Variants in SORCS1 observed in about 807,000 individuals in gnomAD.
SORCS1 encodes the protein sortilin related VPS10 domain containing receptor 1, also known as VPS10 domain-containing receptor SorCS1.
SORCS1 carries 60 observed loss-of-function variants against 146.1 expected under a neutral mutation model. That is an observed-to-expected ratio of 0.41 (90% confidence interval 0.33 to 0.51). The LOEUF (loss-of-function observed/expected upper bound fraction) is 0.51, where lower values mean the gene tolerates loss of function less well. Ranked by LOEUF, SORCS1 falls within the 20% of genes least tolerant of loss-of-function variation. The probability of loss-of-function intolerance (pLI) is 0.21; values close to 1 mark genes in which losing one functional copy is unlikely to be tolerated. For missense variants in SORCS1, 1,352 were observed against 1,487.6 expected, an observed-to-expected ratio of 0.91 and a Z score of 1.50; for synonymous variants, 637 against 584.0, an observed-to-expected ratio of 1.09 and a Z score of -1.31.
intron 3 of SORCS1, among the ~76,000 whole-genome samples, chr10:106,822,826 G>A (rs1320959201): frequency 3.6e-5 from 5 of 138,920 alleles, no homozygotes; most frequent in Non-Finnish European, 7.5e-5. Flanking sequence ...TTGTGCCCAG[G>A]CTGGAGTGCA....
chr10:107,165,292 AGTGTGTGTGTGT>A (rs3982278), upstream of SORCS1, among the ~76,000 whole-genome samples: 9 of 142,716 alleles, frequency 6.3e-5, no homozygotes, highest in African/African-American at 8.0e-5. The surrounding 1 kb of genome is among the most constrained non-coding windows in gnomAD (Gnocchi z 4.0). Flanking sequence ...CTCGTGTGTG[AGTGTGTGTGTGT>A]GTGTGTGTGT....
chr10:106,963,119 T>TTTTTTTTTC, intron 1 of SORCS1, among the ~76,000 whole-genome samples: 1 of 108,178 alleles, frequency 9.2e-6, no homozygotes, highest in Non-Finnish European at 1.8e-5. Flanking sequence ...AATTTTTTTT[T>TTTTTTTTTC]TTTTTTTTTT....
intron 5 of SORCS1, among the ~76,000 whole-genome samples, chr10:106,737,066 T>C (rs9420015): frequency 4.0e-5 from 2 of 50,592 alleles, no homozygotes; most frequent in East Asian, 3.7e-4. Flanking sequence ...TGTGAGTGTG[T>C]GTGTATGTGT....
At chr10:107,056,230 T>C (rs1199087111) in intron 1 of SORCS1, among the ~76,000 whole-genome samples, 4 of 152,146 alleles carry the variant, frequency 2.6e-5, no homozygotes, top group East Asian at 1.9e-4. Flanking sequence ...TGTACTTTTA[T>C]GGTTTAGTAA....
At chr10:106,619,583 G>A (rs564159009) in intron 20 of SORCS1, among the ~76,000 whole-genome samples, 11 of 152,158 alleles carry the variant, frequency 7.2e-5, no homozygotes, top group Non-Finnish European at 1.2e-4. Context: ...CTTACATTTG[G>A]AAGCACTTTA....
chr10:107,042,305 T>A (rs1336569782), intron 1 of SORCS1, among the ~76,000 whole-genome samples: 1 of 152,212 alleles, frequency 6.6e-6, no homozygotes, highest in Non-Finnish European at 1.5e-5. Context: ...TAACAACGAA[T>A]AGCTTTACAC....
intron 3 of SORCS1, among the ~76,000 whole-genome samples, chr10:106,793,626 G>A (rs984748652): frequency 3.9e-5 from 6 of 152,090 alleles, no homozygotes; most frequent in East Asian, 1.9e-4. Context: ...TAAGAGGAGT[G>A]TTTCAGAAAC....
chr10:106,742,581 T>C (rs577709634), intron 5 of SORCS1, among the ~76,000 whole-genome samples: 2 of 152,284 alleles, frequency 1.3e-5, no homozygotes, highest in Admixed American at 6.5e-5. Flanking sequence ...GGTTTCACTA[T>C]GTTGGCCAGG....
intron 1 of SORCS1, among the ~76,000 whole-genome samples, chr10:107,031,096 A>G (rs994379095): frequency 2.0e-5 from 3 of 152,202 alleles, no homozygotes; most frequent in Admixed American, 6.5e-5. Context: ...GAGGGTATTC[A>G]TGCAGACGGA....
intron 2 of SORCS1, among the ~76,000 whole-genome samples, chr10:106,856,273 C>A (rs916730337): frequency 6.6e-6 from 1 of 152,156 alleles, no homozygotes; most frequent in Non-Finnish European, 1.5e-5. Context: ...GTGATCCACC[C>A]ACCTCGGCCT....
intron 1 of SORCS1, among the ~76,000 whole-genome samples, chr10:107,047,831 A>G (rs992639938): frequency 6.6e-6 from 1 of 152,136 alleles, no homozygotes; most frequent in African/African-American, 2.4e-5. Flanking sequence ...CTATAATCCC[A>G]GCACTTTGGG....
At chr10:106,739,661 A>T (rs1220351692) in intron 5 of SORCS1, among the ~76,000 whole-genome samples, 2 of 151,214 alleles carry the variant, frequency 1.3e-5, no homozygotes, top group Admixed American at 6.6e-5. Flanking sequence ...CAAAAAAAAT[A>T]TATATATATA....
chr10:106,950,780 T>C (rs551474712), intron 2 of SORCS1, among the ~76,000 whole-genome samples: 4 of 152,244 alleles, frequency 2.6e-5, no homozygotes, highest in South Asian at 2.1e-4. Flanking sequence ...TGTAAGTCTA[T>C]AGGCTACTAC....
intron 24 of SORCS1, among the ~76,000 whole-genome samples, chr10:106,588,099 T>TA (rs1445215630): frequency 6.6e-6 from 1 of 152,224 alleles, no homozygotes; most frequent in Non-Finnish European, 1.5e-5. Context: ...TTAACTCTCA[T>TA]AAAACTCAAG....
intron 17 of SORCS1, among the ~76,000 whole-genome samples, chr10:106,666,610 G>A (rs1168576922): frequency 1.3e-5 from 2 of 149,712 alleles, no homozygotes; most frequent in African/African-American, 5.0e-5. Context: ...AGGCTGGAGT[G>A]CAGTGGTGCA....
intron 2 of SORCS1, among the ~76,000 whole-genome samples, chr10:106,920,966 T>A (rs1205646564): frequency 1.3e-5 from 2 of 151,920 alleles, no homozygotes; most frequent in Admixed American, 6.6e-5. Context: ...CCAGCAACAG[T>A]CTCCATGGCA....
chr10:106,937,511 C>A (rs1018628441), intron 2 of SORCS1, among the ~76,000 whole-genome samples: 2 of 152,106 alleles, frequency 1.3e-5, no homozygotes, highest in Non-Finnish European at 2.9e-5. Context: ...AGTTCCCTTG[C>A]ACATGCTCTC....
At chr10:106,823,543 G>C (rs141195294) in intron 3 of SORCS1, among the ~76,000 whole-genome samples, 1 of 152,226 alleles carries the variant, frequency 6.6e-6, no homozygotes, top group African/African-American at 2.4e-5. Flanking sequence ...GTCATGTATT[G>C]GACACCTACT....
chr10:106,981,318 G>A (rs1956237915), intron 1 of SORCS1, among the ~76,000 whole-genome samples: 1 of 152,162 alleles, frequency 6.6e-6, no homozygotes, highest in African/African-American at 2.4e-5. Flanking sequence ...CTTTCTTTGG[G>A]AGAGTAATTA....
Sources: allele counts gnomAD v4.1 joint callset (sites outside exome capture counted in the v4.1 genomes callset), GRCh38; gene constraint gnomAD v4.1.1; non-coding constraint Gnocchi (gnomAD v3.1); transcripts MANE v1.5; gene names NCBI Gene and HGNC (gene_info 2026-07-23, HGNC 2026-07-21).